Variants in MGST1 observed in about 807,000 individuals in gnomAD.
MGST1 encodes glutathione S-transferase 12.
Under a neutral mutation model 8.9 loss-of-function variants are expected in MGST1, and 5 were observed. That is an observed-to-expected ratio of 0.56 (90% CI 0.29 to 1.19). The LOEUF (loss-of-function observed/expected upper bound fraction) is 1.19. Ranked by LOEUF, MGST1 falls within the 50% of genes most tolerant of loss-of-function variation. The pLI is 0.08. For synonymous variants in MGST1, 54 were observed against 67.8 expected, an observed-to-expected ratio of 0.80 and a Z score of 1.00; for missense variants, 182 against 187.4, an observed-to-expected ratio of 0.97 and a Z score of 0.17.
At chr12:16,416,532 G>C (rs531531091) in intron 1 of MGST1, among the ~76,000 whole-genome samples, 3 of 152,046 alleles carry the variant, frequency 2.0e-5, no homozygotes, top group African/African-American at 4.8e-5. Flanking sequence ...GATTTCTTAC[G>C]TGGCAGGGTG....
In MGST1 at chr12:16,369,608, C is replaced by T. The variant is rs563981846; in HGVS notation, c.222-6514C>T. Among the ~76,000 whole-genome samples, 7 of 152,176 alleles carry T rather than the reference C, an allele frequency of 4.6e-5. No homozygotes were observed. The highest frequency in any genetic ancestry group is 2.1e-4 in the South Asian group (1 of 4,826). ...TTTTATAAATAATGTTTTATTGGAA[C>T]GCAGCAGTACTTACTTATTTTTATA... On this transcript the variant is annotated intron_variant, in intron 3 of 3. Coordinates refer to the MGST1 transcript ENST00000535309. The surrounding 1 kb of genome is among the most constrained non-coding windows in gnomAD (Gnocchi z 4.8).
At chr12:16,372,110 G>T (rs894599285) in intron 3 of MGST1, among the ~76,000 whole-genome samples, 37 of 152,000 alleles carry the variant, frequency 2.4e-4, no homozygotes, top group African/African-American at 8.7e-4. Context: ...AAACACTCCA[G>T]GATTTTGGTC....
At chr12:16,563,727 A>G (rs1293324858) in intron 4 of MGST1, among the ~76,000 whole-genome samples, 1 of 152,180 alleles carries the variant, frequency 6.6e-6, no homozygotes, top group Admixed American at 6.5e-5. Flanking sequence ...AGGGCCTAAG[A>G]GTTCTTAGTC....
chr12:16,468,361 T>G (rs1423197899), intron 4 of MGST1, among the ~76,000 whole-genome samples: 1 of 151,502 alleles, frequency 6.6e-6, no homozygotes, highest in Non-Finnish European at 1.5e-5. Flanking sequence ...CTTTTTATGG[T>G]TTGAAGGCTG....
At chr12:16,558,552 C>T (rs1339983329) in intron 4 of MGST1, among the ~76,000 whole-genome samples, 1 of 151,928 alleles carries the variant, frequency 6.6e-6, no homozygotes, top group Non-Finnish European at 1.5e-5. Flanking sequence ...ATCCTTATCC[C>T]TACCAAAAAC....
chr12:16,390,199 GA>G (rs1041992660), intron 1 of MGST1, among the ~76,000 whole-genome samples: 452 of 143,532 alleles, frequency 3.1e-3, no homozygotes, highest in Non-Finnish European at 4.4e-3. Context: ...CACCTCAGGG[GA>G]AAAAAAAAAA....
intron 4 of MGST1, among the ~76,000 whole-genome samples, chr12:16,527,842 G>T (rs550767518): frequency 6.6e-6 from 1 of 152,044 alleles, no homozygotes; most frequent in East Asian, 1.9e-4. Flanking sequence ...TTTATTGTCT[G>T]GCCCAGAGCA....
rs1198336060 is a variant in MGST1 at position 16,586,612 on chromosome 12, A to G, written n.483-2916A>G. On this transcript the variant is annotated intron_variant and non_coding_transcript_variant, in intron 4 of 4. Coordinates refer to the MGST1 transcript ENST00000538857. This position sits in a 1 kb window ranked among gnomAD's most constrained non-coding sequence, Gnocchi z 4.3. ...TCATCTTTGGACGTCCTTTCTTGGC[A>G]GGACCACTTGTCTCCCAAAGCCTGT... Among the ~76,000 whole-genome samples, 1 of 152,224 alleles carries G rather than the reference A, an allele frequency of 6.6e-6. No homozygotes were observed. The highest frequency in any genetic ancestry group is 1.5e-5 in the Non-Finnish European group (1 of 68,038).
At chr12:16,423,191 A>G (rs1940853180) in intron 1 of MGST1, among the ~76,000 whole-genome samples, 1 of 152,076 alleles carries the variant, frequency 6.6e-6, no homozygotes, top group Non-Finnish European at 1.5e-5. Flanking sequence ...TACATTGAAA[A>G]CCACTATTTC....
intron 4 of MGST1, among the ~76,000 whole-genome samples, chr12:16,465,622 T>A (rs1451640238): frequency 6.6e-6 from 1 of 152,172 alleles, no homozygotes. Flanking sequence ...TGTCACTGTC[T>A]CCTATCACCC....
At chr12:16,455,858 A>T (rs1290605147) in intron 4 of MGST1, among the ~76,000 whole-genome samples, 1 of 151,918 alleles carries the variant, frequency 6.6e-6, no homozygotes, top group African/African-American at 2.4e-5. Flanking sequence ...TTAATAGTGT[A>T]TAACCATAAA....
At chr12:16,419,668 A>G (rs1565450784) in intron 1 of MGST1, among the ~76,000 whole-genome samples, 1 of 152,212 alleles carries the variant, frequency 6.6e-6, no homozygotes, top group Non-Finnish European at 1.5e-5. Context: ...TGGAATTTCT[A>G]TCAAACATCT....
chr12:16,438,442 G>T (rs1420326975), exon 2 of MGST1: 3 of 151,862 alleles, frequency 2.0e-5, no homozygotes, highest in Admixed American at 6.6e-5. Flanking sequence ...TTCGAATTTA[G>T]AAAAGGGGTT....
downstream of MGST1, among the ~76,000 whole-genome samples, chr12:16,438,921 G>A: frequency 6.6e-6 from 1 of 151,802 alleles, no homozygotes; most frequent in East Asian, 1.9e-4. Flanking sequence ...AAGGTGGCAG[G>A]ATACTATTTT....
chr12:16,384,041 G>A (rs988753482), intron 1 of MGST1, among the ~76,000 whole-genome samples: 1 of 152,064 alleles, frequency 6.6e-6, no homozygotes, highest in Non-Finnish European at 1.5e-5. Flanking sequence ...GCAACAGGGG[G>A]AATTCTTCAT....
chr12:16,520,386 A>G (rs1370489502), intron 4 of MGST1, among the ~76,000 whole-genome samples: 7 of 152,222 alleles, frequency 4.6e-5, no homozygotes, highest in Admixed American at 2.6e-4. Context: ...AAAGATTAGT[A>G]TAATAAATAT....
intron 4 of MGST1, among the ~76,000 whole-genome samples, chr12:16,511,569 C>T (rs4362193): frequency 0.95 from 144,354 of 152,292 alleles, 68,778 homozygotes; most frequent in Non-Finnish European, 1. Context: ...AAAATGGAAA[C>T]GTCCTAGCAT....
intron 3 of MGST1, 75 bp downstream of exon 3, chr12:16,357,774 G>C (rs968794591): frequency 8.3e-7 from 1 of 1,204,978 alleles, no homozygotes; most frequent in South Asian, 1.4e-5. Context: ...GATGTCTCAG[G>C]GTCTTGGAGA....
chr12:16,365,155 A>T (rs1940162689), downstream of MGST1, among the ~76,000 whole-genome samples: 1 of 152,174 alleles, frequency 6.6e-6, no homozygotes, highest in Non-Finnish European at 1.5e-5. Context: ...ATGTGGGGTG[A>T]TAATTTGAGA....
Sources: allele counts gnomAD v4.1 joint callset (sites outside exome capture counted in the v4.1 genomes callset), GRCh38; gene constraint gnomAD v4.1.1; non-coding constraint Gnocchi (gnomAD v3.1); transcripts MANE v1.5; gene names NCBI Gene and HGNC (gene_info 2026-07-23, HGNC 2026-07-21).